Variants in MTG2 observed in about 807,000 individuals in gnomAD.
MTG2 encodes the protein mitochondrial ribosome-associated GTPase 2.
In MTG2, 23 loss-of-function variants were observed where a neutral mutation model predicts 28.6. The ratio of observed to expected loss-of-function variants is 0.80; its 90% confidence interval spans 0.58 to 1.14. The LOEUF (loss-of-function observed/expected upper bound fraction) is 1.14. Among genes scored for constraint, MTG2 ranks in the 50% most tolerant of loss-of-function variants. MTG2 has a pLI of 0.00. For missense variants in MTG2, 539 were observed against 552.0 expected (o/e 0.98, Z 0.24); for synonymous variants, 260 against 251.8 (o/e 1.03, Z -0.31).
chr20:62,188,981 G>C (rs1486140120), intron 1 of MTG2, among the ~76,000 whole-genome samples: 1 of 152,090 alleles, frequency 6.6e-6, no homozygotes, highest in Non-Finnish European at 1.5e-5. Context: ...TGTTTTGATA[G>C]TATTGTTCAG....
chr20:62,189,551 C>G (rs1205278537), intron 1 of MTG2, among the ~76,000 whole-genome samples: 1 of 152,076 alleles, frequency 6.6e-6, no homozygotes, highest in East Asian at 1.9e-4. Flanking sequence ...GAGATCTTCC[C>G]GCCTTGGCCT....
chr20:62,192,154 C>A (rs917434117), intron 1 of MTG2, among the ~76,000 whole-genome samples: 1 of 152,222 alleles, frequency 6.6e-6, no homozygotes, highest in South Asian at 2.1e-4. Context: ...GGCTCAGTCA[C>A]CCCCCACTTC....
In MTG2 at chr20:62,200,857, G is replaced by A. The variant is rs763740889; in HGVS notation, c.1001G>A (p.Gly334Asp). 1.2e-6 allele frequency: 2 copies of A among 1,613,992 alleles called. No homozygotes were observed. Among genetic ancestry groups the A allele is most frequent in the Admixed American group, 3.3e-5 (2 of 60,032 alleles). ...TATGAACTGGAGATGTATGAAAAGG[G>A]CCTGTCTGCGAGGCCCCACGCAATC... ...LKYELEMYEK[G>D]LSARPHAIVA... Residue 334 changes from glycine to aspartate, a missense_variant, in exon 7 of 7, where the codon GGC becomes GAC. Transcript: ENST00000370823.
At chr20:62,198,023 C>G (rs987318050) in intron 4 of MTG2, 56 bp downstream of exon 4, 1 of 1,523,142 alleles carries the variant, frequency 6.6e-7, no homozygotes, top group East Asian at 2.3e-5. Context: ...TCATCCAGCT[C>G]CTGGGGGCCA....
rs148221900 is a variant in MTG2, at chr20:62,201,514, GGA to G, written c.*444_*445del. ...CCGTCGTGCTTCCATGGCTTGCTAC[GGA>G]GAGAGACCTCTGGATCCACACTGGG... On this transcript the variant is annotated 3_prime_UTR_variant, in exon 7 of 7. Coordinates refer to ENST00000370823, the MANE Select transcript of MTG2 (RefSeq NM_015666.4). 1,336 of 158,854 alleles carry G rather than the reference GGA, an allele frequency of 8.4e-3. 27 individuals are homozygous for G. The highest frequency in any genetic ancestry group is 0.031 in the African/African-American group (1,268 of 41,556). 9.8% of individuals were successfully genotyped at this position (158,854 alleles called of 1,614,324 possible).
At chr20:62,189,226 G>T (rs1293974218) in intron 1 of MTG2, among the ~76,000 whole-genome samples, 1 of 151,692 alleles carries the variant, frequency 6.6e-6, no homozygotes, top group Non-Finnish European at 1.5e-5. Context: ...GATCTCTTAA[G>T]TACAGGAAGT....
In MTG2 at chr20:62,193,571, C is replaced by T. The variant is rs997734829; in HGVS notation, c.151C>T (p.Leu51Phe). 6.2e-7 allele frequency: 1 copy of T among 1,613,730 alleles called. No homozygotes were observed. Among genetic ancestry groups the T allele is most frequent in the Non-Finnish European group, 8.5e-7 (1 of 1,179,986 alleles). ...GCTGCTCTCGGTCGGCCGTGCGGAC[C>T]TCGCCAAGCATCAGGAACTCCCGGG... ...PRLLSVGRADLAKHQELPGKK... is the reference protein window; with the variant it reads ...PRLLSVGRADFAKHQELPGKK... Residue 51 changes from leucine (L) to phenylalanine (F), a missense_variant, in exon 2 of 7, where the codon CTC becomes TTC. Physicochemically the swap from Leu to Phe is conservative, Grantham distance 22 (BLOSUM62 0). Coordinates refer to ENST00000370823, the MANE Select transcript of MTG2 (RefSeq NM_015666.4).
intron 1 of MTG2, among the ~76,000 whole-genome samples, chr20:62,193,022 T>TA (rs1384033724): frequency 6.6e-6 from 1 of 152,364 alleles, no homozygotes; most frequent in Non-Finnish European, 1.5e-5. Flanking sequence ...ACTTTAAAAT[T>TA]ACACAGGATA....
In MTG2 at chr20:62,201,228, C is replaced by A; in HGVS notation, c.*151C>A. 1 of 958,738 alleles carries A rather than the reference C, an allele frequency of 1.0e-6. No individual in the cohort carries two copies. Among genetic ancestry groups the A allele is most frequent in the Non-Finnish European group, 1.5e-6 (1 of 666,950 alleles). 59.4% of individuals were successfully genotyped at this position (958,738 alleles called of 1,614,324 possible). A position where few individuals can be genotyped will look rare whatever the true frequency, so the allele number is the denominator to read the frequency against. ...CCCGCCTGCTGGCCTGAGATGCCCT[C>A]ATGTTGGGAAGCATTCCGTGCCCCC... On this transcript the variant is annotated 3_prime_UTR_variant, in exon 7 of 7. Coordinates refer to ENST00000370823, the MANE Select transcript of MTG2 (RefSeq NM_015666.4).
At chr20:62,193,368 G>GC (rs1289165945) in intron 1 of MTG2, 48 bp from the exon 2 acceptor site, 1 of 1,573,380 alleles carries the variant, frequency 6.4e-7, no homozygotes, top group African/African-American at 1.4e-5. Context: ...TCTGTTTCAT[G>GC]CCCAGCATTA....
At position 62,201,753 on chromosome 20, in the gene MTG2, G is replaced by A. The variant is rs564165403; in HGVS notation, c.*676G>A. 1 of 152,432 alleles carries A rather than the reference G, an allele frequency of 6.6e-6. No individual in the cohort carries two copies. Among genetic ancestry groups the A allele is most frequent in the South Asian group, 2.1e-4 (1 of 4,832 alleles). 9.4% of individuals were successfully genotyped at this position (152,432 alleles called of 1,614,324 possible). A position where few individuals can be genotyped will look rare whatever the true frequency, so the allele number is the denominator to read the frequency against. ...CCTTCAGAACACTTCTCTGTGCTCAGTGGGAGCCAGGAAGCCTCAGGCTTC... is the reference window on the plus strand; with the variant it reads ...CCTTCAGAACACTTCTCTGTGCTCAATGGGAGCCAGGAAGCCTCAGGCTTC... On this transcript the variant is annotated 3_prime_UTR_variant, in exon 7 of 7. Transcript: ENST00000370823.
intron 1 of MTG2, among the ~76,000 whole-genome samples, chr20:62,190,799 A>G (rs867612977): frequency 2.0e-5 from 3 of 152,216 alleles, no homozygotes; most frequent in African/African-American, 7.2e-5. Flanking sequence ...GGAAGTCCGC[A>G]GGGATGCCTT....
chr20:62,197,877 G>A lies in MTG2; in HGVS notation c.378G>A (p.Ser126=), dbSNP rs376327555. The A allele has an allele frequency of 3.7e-5, 59 of 1,614,088 alleles. No homozygotes were observed. The African/African-American group carries it at 4.5e-4, about 12-fold the overall frequency. Residue 126 remains serine, a synonymous_variant, in exon 4 of 7, where the codon TCG becomes TCA. Transcript: ENST00000370823. The part of the protein sequence containing the change: ...LRVDQQVKSL[S]SVLSRYQGFS... ...TTGACCAGCAAGTCAAGTCCCTGTC[G>A]TCGGTCCTGTCGCGGTACCAGGGTT...
At position 62,201,123 on chromosome 20, in the gene MTG2, T is replaced by C. The variant is rs2058163480; in HGVS notation, c.*46T>C. 1 of 1,519,266 alleles carries C rather than the reference T, an allele frequency of 6.6e-7. No homozygotes were observed. The highest frequency in any genetic ancestry group is 2.1e-5 in the Admixed American group (1 of 46,926). 94.1% of individuals were successfully genotyped at this position (1,519,266 alleles called of 1,614,324 possible). ...CTCTGGGCCTCTGTCTGAGCAAACCTGGGTGTGAATTCGGTGGTTTTGAAT... is the reference window on the plus strand; with the variant it reads ...CTCTGGGCCTCTGTCTGAGCAAACCCGGGTGTGAATTCGGTGGTTTTGAAT... On this transcript the variant is annotated 3_prime_UTR_variant, in exon 7 of 7. Coordinates refer to ENST00000370823, the MANE Select transcript of MTG2 (RefSeq NM_015666.4).
In MTG2 at chr20:62,201,075, T is replaced by C; in HGVS notation, c.1219T>C (p.Ter407GlnextTer18). 6.3e-7 allele frequency: 1 copy of C among 1,592,360 alleles called. No homozygotes were observed. The highest frequency in any genetic ancestry group is 8.5e-7 in the Non-Finnish European group (1 of 1,170,446). Reference sequence around the variant, plus strand: ...CCAGGGCCGCCAGCCGCTCAGGTGGTAGCCACGCCAGAGCGGGGTCGCCTC... The same window carrying C: ...CCAGGGCCGCCAGCCGCTCAGGTGGCAGCCACGCCAGAGCGGGGTCGCCTC... ...LGQGRQPLRW[*>Q] is the part of the protein sequence containing the mutation. Residue 407 changes from the stop codon to glutamine, a stop_lost, in exon 7 of 7, where the codon TAG (stop) becomes CAG (glutamine). Coordinates refer to ENST00000370823, the MANE Select transcript of MTG2 (RefSeq NM_015666.4).
At chr20:62,184,929 G>A (rs555223840) in intron 1 of MTG2, among the ~76,000 whole-genome samples, 2 of 152,034 alleles carry the variant, frequency 1.3e-5, no homozygotes, top group Non-Finnish European at 2.9e-5. Context: ...GGCCAACACG[G>A]TGAAACCCCG....
intron 3 of MTG2, chr20:62,197,571 C>T (rs970794346): frequency 3.2e-5 from 11 of 349,140 alleles, no homozygotes; most frequent in African/African-American, 1.7e-4. Flanking sequence ...TCAGCATAGA[C>T]GCATAGCGAG....
intron 1 of MTG2, among the ~76,000 whole-genome samples, chr20:62,191,309 G>A (rs143407328): frequency 0.023 from 3,435 of 152,220 alleles, 65 homozygotes; most frequent in Non-Finnish European, 0.033. Context: ...TGCTGAGACC[G>A]GGGCCCACGT....
intron 1 of MTG2, among the ~76,000 whole-genome samples, chr20:62,186,528 GTT>G (rs56818308): frequency 8.7e-5 from 11 of 127,098 alleles, no homozygotes; most frequent in Admixed American, 1.7e-4. Context: ...TTTTTTTTTT[GTT>G]TTTTTTTTTT....
Sources: gnomAD v4.1 joint callset for allele counts (sites outside exome capture counted in the v4.1 genomes callset) on GRCh38, gnomAD v4.1.1 for gene constraint, MANE v1.5 for transcripts, NCBI Gene and HGNC (gene_info 2026-07-23, HGNC 2026-07-21) for gene names.